The following ARPC3 variants were observed in gnomAD, a reference collection of about 807,000 sequenced individuals.
The protein encoded by ARPC3 is actin-related protein 2/3 complex subunit 3.
In ARPC3, 12 loss-of-function variants were observed where a neutral mutation model predicts 27.6. That is an observed-to-expected ratio of 0.43 (90% CI 0.28 to 0.70). The LOEUF (loss-of-function observed/expected upper bound fraction) is 0.70, where lower values mean the gene tolerates loss of function less well. Ranked by LOEUF, ARPC3 falls within the 30% of genes least tolerant of loss-of-function variation. The pLI is 0.17. For synonymous variants in ARPC3, 53 were observed against 67.2 expected (o/e 0.79, Z 1.03); for missense variants, 153 against 207.7 (o/e 0.74, Z 1.62).
At position 110,436,754 on chromosome 12, in the gene ARPC3, A is replaced by AC. The variant is rs58562016; in HGVS notation, c.253-72_253-71insG. ...CACACACACACACACACACACACAC[A>AC]TATTTTACAGGGAAAAGAAGAATTC... is the stretch of plus-strand genomic sequence containing the variant. On this transcript the variant is annotated intron_variant, in intron 4 of 6. Coordinates refer to ENST00000228825, the MANE Select transcript of ARPC3 (RefSeq NM_001278556.2). 3.5e-5 allele frequency: 39 copies of AC among 1,110,974 alleles called. No homozygotes were observed. The East Asian group carries it at 9.5e-4, about 27-fold the overall frequency. 68.8% of individuals were successfully genotyped at this position (1,110,974 alleles called of 1,614,324 possible). A position where few individuals can be genotyped will look rare whatever the true frequency, so the allele number is the denominator to read the frequency against.
chr12:110,448,246 G>A (rs1191381331), intron 1 of ARPC3, among the ~76,000 whole-genome samples: 1 of 152,030 alleles, frequency 6.6e-6, no homozygotes, highest in Non-Finnish European at 1.5e-5. Flanking sequence ...ACTTCTCTGA[G>A]GCTCCGTTTC....
In ARPC3 at chr12:110,436,121, T is replaced by G. The variant is rs2062402496; in HGVS notation, c.463A>C (p.Lys155Gln). The G allele has an allele frequency of 6.2e-7, 1 of 1,612,778 alleles. No individual in the cohort carries two copies. The highest frequency in any genetic ancestry group is 8.5e-7 in the Non-Finnish European group (1 of 1,179,234). The change falls in exon 6 of 7, where the codon AAA (lysine) becomes CAA (glutamine). Residue 155 changes from lysine (K) to glutamine (Q), a missense_variant. By Grantham distance (53) the Lys-to-Gln change is moderately conservative (BLOSUM62 1). Transcript: ENST00000228825. Reference sequence around the variant, plus strand: ...GAAGAGGGTCTTACCTTGCTGGGTTTATCATTCTGAGGGTCGAAAACTTTC... The same window carrying G: ...GAAGAGGGTCTTACCTTGCTGGGTTGATCATTCTGAGGGTCGAAAACTTTC... ...CEKVFDPQND[K>Q]PSKWWTCFVK...
At chr12:110,448,845 G>A (rs556551694) in intron 1 of ARPC3, among the ~76,000 whole-genome samples, 142 of 144,252 alleles carry the variant, frequency 9.8e-4, no homozygotes, top group Admixed American at 2.9e-3. Flanking sequence ...GCACGGTCTC[G>A]GCTCACTGCA....
chr12:110,435,847 A>G (rs1161537926), intron 6 of ARPC3, among the ~76,000 whole-genome samples: 1 of 149,922 alleles, frequency 6.7e-6, no homozygotes, highest in Non-Finnish European at 1.5e-5. Context: ...GCTGGTCTCG[A>G]ACTCCTGACC....
At chr12:110,436,444 T>C in intron 5 of ARPC3, 113 bp downstream of exon 5, 1 of 1,519,498 alleles carries the variant, frequency 6.6e-7, no homozygotes, top group African/African-American at 1.4e-5. Context: ...GTACTTCCTA[T>C]GATTTCACTC....
intron 6 of ARPC3, 106 bp from the exon 7 acceptor site, chr12:110,435,323 T>A: frequency 3.8e-5 from 8 of 211,602 alleles, no homozygotes; most frequent in South Asian, 6.9e-5. Context: ...TCTTATAAAC[T>A]TTTTTTTTTT....
chr12:110,436,825 AG>A, intron 4 of ARPC3, 142 bp from the exon 5 acceptor site: 1 of 742,664 alleles, frequency 1.3e-6, no homozygotes, highest in Non-Finnish European at 2.2e-6. Context: ...AGGGCTTAAA[AG>A]GAATTCCTCT....
intron 1 of ARPC3, among the ~76,000 whole-genome samples, chr12:110,446,664 G>C (rs1452265515): frequency 7.1e-6 from 1 of 140,380 alleles, no homozygotes; most frequent in Non-Finnish European, 1.5e-5. Context: ...GATGGAGTGC[G>C]GTGGCGCGAT....
chr12:110,440,553 TG>T (rs2062429646), intron 2 of ARPC3, 165 bp from the exon 3 acceptor site: 1 of 625,934 alleles, frequency 1.6e-6, no homozygotes, highest in Non-Finnish European at 2.9e-6. Flanking sequence ...AATATTTATT[TG>T]TTTTTTTTTT....
intron 2 of ARPC3, 100 bp downstream of exon 2, chr12:110,445,352 T>G (rs2062458431): frequency 1.1e-6 from 1 of 936,124 alleles, no homozygotes; most frequent in Non-Finnish European, 1.7e-6. Flanking sequence ...AAGGGCAATT[T>G]GAGAGAGAAG....
intron 3 of ARPC3, among the ~76,000 whole-genome samples, chr12:110,438,645 C>G (rs2062418508): frequency 6.6e-6 from 1 of 150,566 alleles, no homozygotes; most frequent in African/African-American, 2.4e-5. Context: ...CACCATTTTC[C>G]TATATATTTT....
intron 2 of ARPC3, among the ~76,000 whole-genome samples, chr12:110,443,815 G>A (rs1264392545): frequency 1.3e-5 from 2 of 152,168 alleles, no homozygotes; most frequent in Non-Finnish European, 2.9e-5. Flanking sequence ...TCTTCTAAAT[G>A]CAATGACAGG....
chr12:110,445,484 C>T lies in ARPC3; in HGVS notation c.74G>A (p.Arg25Lys), dbSNP rs745623578. ...LIGNMALLPI[R>K]SQFKGPAPRE... ...GGGGGCAGGTCCTTTGAATTGACTT[C>T]TGATAGGCAACAGTGCCATGTTTCC... The change falls in exon 2 of 7, where the codon AGA becomes AAA. Residue 25 changes from arginine to lysine, a missense_variant. Transcript: ENST00000228825. 5.0e-6 allele frequency: 8 copies of T among 1,613,520 alleles called. No individual in the cohort carries two copies. The South Asian group carries it at 7.7e-5, about 16-fold the overall frequency.
At chr12:110,443,526 G>A (rs1022739597) in intron 2 of ARPC3, among the ~76,000 whole-genome samples, 2 of 152,088 alleles carry the variant, frequency 1.3e-5, no homozygotes, top group African/African-American at 2.4e-5. Context: ...TCCGCCTCCT[G>A]AGTTCAAGTG....
At chr12:110,436,255 G>T in intron 5 of ARPC3, 51 bp from the exon 6 acceptor site, 1 of 1,430,786 alleles carries the variant, frequency 7.0e-7, no homozygotes, top group Non-Finnish European at 9.9e-7. Context: ...CATCCCAAAT[G>T]TACTGGTTGC....
Position 110,445,527 on chromosome 12 carries a change from G to A in ARPC3, c.31C>T (p.Pro11Ser). ...ATGTTTCCGATGAGTTTGGTATCAG[G>A]ATCCATGAGAGAAGAGTGGTAAGCC... is the stretch of plus-strand genomic sequence containing the variant. The part of the protein sequence containing the change: MPAYHSSLMD[P>S]DTKLIGNMAL... Residue 11 changes from proline to serine, a missense_variant, in exon 2 of 7, where the codon CCT becomes TCT. By Grantham distance (74) the Pro-to-Ser change is moderately conservative. Transcript: ENST00000228825. 6.2e-7 allele frequency: 1 copy of A among 1,613,448 alleles called. No individual in the cohort carries two copies. The highest frequency in any genetic ancestry group is 1.1e-5 in the South Asian group (1 of 91,074).
intron 1 of ARPC3, among the ~76,000 whole-genome samples, 193 bp downstream of exon 1, chr12:110,450,062 C>T (rs2062492339): frequency 6.6e-6 from 1 of 152,200 alleles, no homozygotes. Flanking sequence ...CCTGCCGCGC[C>T]CCCGCCTCCC....
intron 2 of ARPC3, 93 bp downstream of exon 2, chr12:110,445,359 G>C: frequency 3.0e-6 from 3 of 999,400 alleles, no homozygotes; most frequent in Non-Finnish European, 4.7e-6. Flanking sequence ...ATTTGAGAGA[G>C]AAGACTGAGC....
chr12:110,443,910 G>C (rs2062451022), intron 2 of ARPC3, among the ~76,000 whole-genome samples: 1 of 151,598 alleles, frequency 6.6e-6, no homozygotes, highest in Admixed American at 6.6e-5. Flanking sequence ...GAATATAAAT[G>C]AATTAGTGTG....
Sources: gnomAD v4.1 joint callset for allele counts (sites outside exome capture counted in the v4.1 genomes callset) on GRCh38, gnomAD v4.1.1 for gene constraint, MANE v1.5 for transcripts, NCBI Gene and HGNC (gene_info 2026-07-23, HGNC 2026-07-21) for gene names.